The following UNC79 variants were observed in gnomAD, a reference collection of about 807,000 sequenced individuals.
UNC79 encodes protein unc-79 homolog.
Under a neutral mutation model 283.1 loss-of-function variants are expected in UNC79, and 37 were observed. That is an observed-to-expected ratio of 0.13 (90% CI 0.10 to 0.17). The LOEUF is 0.17. Among genes scored for constraint, UNC79 ranks in the 10% least tolerant of loss-of-function variants. The pLI, the probability that UNC79 is intolerant of heterozygous loss-of-function variation, is 1.00. For synonymous variants in UNC79, 1,107 were observed against 1,200.2 expected (o/e 0.92, Z 1.61); for missense variants, 2,272 against 3,211.1 (o/e 0.71, Z 7.07).
intron 8 of UNC79, among the ~76,000 whole-genome samples, chr14:93,524,329 G>A (rs1181405408): frequency 1.3e-5 from 2 of 152,154 alleles, no homozygotes; most frequent in African/African-American, 4.8e-5. Flanking sequence ...TCCTTAACTG[G>A]TTTCTATTTC....
intron 1 of UNC79, among the ~76,000 whole-genome samples, chr14:93,365,454 A>G (rs555218701): frequency 3.3e-5 from 5 of 152,050 alleles, no homozygotes; most frequent in South Asian, 2.1e-4. Flanking sequence ...AATCAATACC[A>G]TAAAAAAGAA....
intron 1 of UNC79, chr14:93,348,047 T>C: frequency 3.1e-6 from 5 of 1,611,200 alleles, no homozygotes; most frequent in East Asian, 2.2e-5. Flanking sequence ...GTTGGACTTG[T>C]GGTGTTTTTT....
At chr14:93,436,035 T>C (rs1394808930) in intron 1 of UNC79, among the ~76,000 whole-genome samples, 1 of 151,764 alleles carries the variant, frequency 6.6e-6, no homozygotes, top group East Asian at 1.9e-4. Flanking sequence ...GTAGATTGTA[T>C]TATGTTCCTC....
chr14:93,657,715 G>A (rs540770305), intron 38 of UNC79, among the ~76,000 whole-genome samples: 2 of 152,158 alleles, frequency 1.3e-5, no homozygotes, highest in Non-Finnish European at 2.9e-5. Context: ...CTTGGGCACA[G>A]AAGAGTGGCA....
chr14:93,696,766 A>G (rs2075160384), intron 47 of UNC79, among the ~76,000 whole-genome samples: 1 of 152,114 alleles, frequency 6.6e-6, no homozygotes, highest in South Asian at 2.1e-4. Flanking sequence ...TTTAATTTTG[A>G]TGAAGTACCA....
At chr14:93,487,209 T>C (rs1049384334) in intron 4 of UNC79, among the ~76,000 whole-genome samples, 2 of 152,234 alleles carry the variant, frequency 1.3e-5, no homozygotes, top group African/African-American at 4.8e-5. Context: ...TTATACATTA[T>C]AATTAAACTA....
rs148229614 is a variant in UNC79 at position 93,504,808 on chromosome 14, A to C, written c.898+7522A>C. On this transcript the variant is annotated intron_variant, in intron 7 of 48. Transcript: ENST00000555664. Reference sequence around the variant, plus strand: ...ATTATATTATTGTTGAATAATACACATTTAATATCTCTTTCTCAATCCATA... The same window carrying C: ...ATTATATTATTGTTGAATAATACACCTTTAATATCTCTTTCTCAATCCATA... 4.7e-4 allele frequency among the ~76,000 whole-genome samples: 72 copies of C among 152,120 alleles called. 1 individual carries two copies. The East Asian group carries it at 0.012, about 26-fold the overall frequency.
At chr14:93,534,398 T>C (rs2060971450) in intron 11 of UNC79, among the ~76,000 whole-genome samples, 1 of 152,206 alleles carries the variant, frequency 6.6e-6, no homozygotes, top group African/African-American at 2.4e-5. Flanking sequence ...GTCTCTTTAG[T>C]TTTAGCTGGT....
In UNC79 at chr14:93,345,984, GA is replaced by G. The variant is rs140072274; in HGVS notation, c.-351+12465del. Among the ~76,000 whole-genome samples the G allele has an allele frequency of 9.1e-3, 1,377 of 150,494 alleles. 26 individuals are homozygous for G. Among genetic ancestry groups the G allele is most frequent in the African/African-American group, 0.032 (1,317 of 40,916 alleles). On this transcript the variant is annotated intron_variant, in intron 1 of 49. Transcript: ENST00000256339. ...ATATTTATCGGCTCACTAGATGCTGGAAAAGAAAGGAACAATGCCTTTTGAA... is the reference window on the plus strand; with the variant it reads ...ATATTTATCGGCTCACTAGATGCTGGAAAGAAAGGAACAATGCCTTTTGAA...
At chr14:93,682,728 T>A in intron 42 of UNC79, 34 bp downstream of exon 45, 3 of 1,593,312 alleles carry the variant, frequency 1.9e-6, no homozygotes, top group Non-Finnish European at 2.6e-6. Context: ...TCTACATACT[T>A]ACATTTCATA....
chr14:93,542,744 G>A (rs764791152), intron 14 of UNC79, 48 bp downstream of exon 14: 3 of 1,593,654 alleles, frequency 1.9e-6, no homozygotes, highest in Non-Finnish European at 2.6e-6. Context: ...GAGGACTTGG[G>A]GAGAAGTGCT....
chr14:93,688,771 A>G lies in UNC79; in HGVS notation c.7016A>G (p.His2339Arg). Residue 2339 changes from histidine to arginine, a missense_variant, in exon 44 of 49, where the codon CAC becomes CGC. By Grantham distance (29) the His-to-Arg change is conservative (BLOSUM62 0). Coordinates refer to ENST00000555664, the Ensembl canonical transcript of UNC79. The surrounding 1 kb of genome is among the most constrained non-coding windows in gnomAD (Gnocchi z 4.0). The stretch of plus-strand genomic sequence containing the variant: ...GCCATGGACATCTCACGGGGCAACC[A>G]CAGAGATAACAAAGCTGTGATCCGC... 1 of 1,614,124 alleles carries G rather than the reference A, an allele frequency of 6.2e-7. No homozygotes were observed.
rs375041641 is a variant in UNC79, at chr14:93,706,688, T to C, written c.7591-16T>C. 3.7e-6 allele frequency: 6 copies of C among 1,613,900 alleles called. No individual in the cohort carries two copies. The highest frequency in any genetic ancestry group is 5.1e-6 in the Non-Finnish European group (6 of 1,179,832). On this transcript the variant is annotated splice_polypyrimidine_tract_variant and intron_variant, in intron 48 of 48. Transcript: ENST00000555664. ...TGAAAAGAAATAAACTAAAACCTCT[T>C]GCCCTTTTTCGACAGCACTTATCTG... is the stretch of plus-strand genomic sequence containing the variant.
At chr14:93,422,906 A>G (rs1306372629) in intron 1 of UNC79, among the ~76,000 whole-genome samples, 2 of 151,720 alleles carry the variant, frequency 1.3e-5, no homozygotes, top group African/African-American at 2.4e-5. Context: ...TAAAAAAAAT[A>G]CAAAAAATTA....
intron 1 of UNC79, among the ~76,000 whole-genome samples, chr14:93,349,050 T>C (rs1017510628): frequency 2.0e-5 from 3 of 152,218 alleles, no homozygotes; most frequent in African/African-American, 7.2e-5. Context: ...TGGCAAGGTC[T>C]GCAGCTTCAC....
intron 17 of UNC79, 55 bp downstream of exon 17, chr14:93,575,253 G>A: frequency 6.2e-7 from 1 of 1,609,842 alleles, no homozygotes; most frequent in East Asian, 2.2e-5. Context: ...GAAAACCCTT[G>A]TCAGTTATCC....
intron 31 of UNC79, among the ~76,000 whole-genome samples, chr14:93,635,184 G>A (rs980552954): frequency 9.9e-5 from 15 of 152,128 alleles, no homozygotes; most frequent in African/African-American, 3.6e-4. Flanking sequence ...AGTAAGAATT[G>A]ACTGCCATGA....
Position 93,514,826 on chromosome 14 carries a change from A to C in UNC79, c.899-9152A>C, listed in dbSNP as rs140162730. 4.9e-3 allele frequency among the ~76,000 whole-genome samples: 749 copies of C among 152,326 alleles called. 3 individuals are homozygous for C. The highest frequency in any genetic ancestry group is 0.017 in the Middle Eastern group (5 of 294). Reference sequence around the variant, plus strand: ...ACTTGTATGCTTTACTTTTTAAAAAAGAGAGCAGCCCTGTGCTGTATCTAT... The same window carrying C: ...ACTTGTATGCTTTACTTTTTAAAAACGAGAGCAGCCCTGTGCTGTATCTAT... On this transcript the variant is annotated intron_variant, in intron 7 of 48. Coordinates refer to ENST00000555664, the Ensembl canonical transcript of UNC79.
intron 1 of UNC79, among the ~76,000 whole-genome samples, chr14:93,396,801 G>GTGTGTGTGTGTA (rs1448197089): frequency 6.6e-6 from 1 of 151,862 alleles, no homozygotes; most frequent in Non-Finnish European, 1.5e-5. Flanking sequence ...GTGTGTGTGT[G>GTGTGTGTGTGTA]TGTGTGTTGT....
Sources: gnomAD v4.1 joint callset for allele counts (sites outside exome capture counted in the v4.1 genomes callset) on GRCh38, gnomAD v4.1.1 for gene constraint, Gnocchi (gnomAD v3.1) non-coding constraint, MANE v1.5 for transcripts, NCBI Gene and HGNC (gene_info 2026-07-23, HGNC 2026-07-21) for gene names.